Variants in CNTN5 observed in about 807,000 individuals in gnomAD.
CNTN5 encodes the protein contactin 5.
In CNTN5, 77 loss-of-function variants were observed where a neutral mutation model predicts 129.1. The ratio of observed to expected loss-of-function variants is 0.60; its 90% CI spans 0.50 to 0.72. The LOEUF (loss-of-function observed/expected upper bound fraction) is 0.72. Ranked by LOEUF, CNTN5 falls within the 30% of genes least tolerant of loss-of-function variation. CNTN5 has a pLI of 0.00. For synonymous variants in CNTN5, 509 were observed against 465.6 expected, an observed-to-expected ratio of 1.09 and a Z score of -1.20; for missense variants, 1,478 against 1,328.8, an observed-to-expected ratio of 1.11 and a Z score of -1.75.
chr11:99,395,100 C>T (rs781739123), intron 2 of CNTN5, among the ~76,000 whole-genome samples: 3 of 151,786 alleles, frequency 2.0e-5, no homozygotes, highest in Non-Finnish European at 4.4e-5. Flanking sequence ...ATCTTTAGGT[C>T]TTTGAGGAAT....
chr11:99,049,728 T>G (rs1864351236), intron 1 of CNTN5: 1 of 152,152 alleles, frequency 6.6e-6, no homozygotes, highest in Admixed American at 6.6e-5. Flanking sequence ...AATCCACAGA[T>G]GTGTAACCCG....
chr11:99,171,531 A>G (rs2135541462), intron 1 of CNTN5, among the ~76,000 whole-genome samples: 1 of 152,282 alleles, frequency 6.6e-6, no homozygotes, highest in East Asian at 1.9e-4. Context: ...ATAAAAATTT[A>G]CCTGCTCTAT....
At chr11:99,439,378 A>G (rs1012440958) in intron 2 of CNTN5, among the ~76,000 whole-genome samples, 4 of 152,018 alleles carry the variant, frequency 2.6e-5, no homozygotes, top group African/African-American at 7.2e-5. Flanking sequence ...AACGTTAAAA[A>G]TAAACTTGTA....
chr11:99,613,325 C>T (rs987955686), intron 3 of CNTN5, among the ~76,000 whole-genome samples: 18 of 152,136 alleles, frequency 1.2e-4, no homozygotes, highest in Admixed American at 9.2e-4. Context: ...TTCCCGGCTT[C>T]GCTGGGCCTG....
intron 3 of CNTN5, among the ~76,000 whole-genome samples, chr11:99,779,356 A>C (rs1945234553): frequency 6.6e-6 from 1 of 152,024 alleles, no homozygotes; most frequent in Non-Finnish European, 1.5e-5. Flanking sequence ...TTTCAAGCAA[A>C]GTAGTTATAA....
chr11:99,352,831 C>T (rs763198479), intron 2 of CNTN5, among the ~76,000 whole-genome samples: 1 of 152,116 alleles, frequency 6.6e-6, no homozygotes, highest in Admixed American at 6.5e-5. Context: ...AGGGCCTTGT[C>T]GCACTTGTCA....
At position 100,224,397 on chromosome 11, in the gene CNTN5, A is replaced by G. The variant is rs564282349; in HGVS notation, c.1885-295A>G. Reference sequence around the variant, plus strand: ...AAAGCAACATTTTTGCTCACGGATTATTTCTCCTATACTTTTAAATATATG... The same window carrying G: ...AAAGCAACATTTTTGCTCACGGATTGTTTCTCCTATACTTTTAAATATATG... On this transcript the variant is annotated intron_variant, in intron 15 of 24. Coordinates refer to ENST00000524871, the MANE Select transcript of CNTN5 (RefSeq NM_014361.4). Among the ~76,000 whole-genome samples, 6 of 152,262 alleles carry G rather than the reference A, an allele frequency of 3.9e-5. No homozygotes were observed. In the South Asian group the frequency reaches 1.0e-3, roughly 26 times the overall value.
chr11:100,344,897 T>G (rs763892217), intron 23 of CNTN5, among the ~76,000 whole-genome samples: 4 of 152,094 alleles, frequency 2.6e-5, no homozygotes, highest in Non-Finnish European at 5.9e-5. Flanking sequence ...ATTTTAAAAT[T>G]TATTTTGCCA....
chr11:99,996,611 T>G (rs545463602), intron 8 of CNTN5, among the ~76,000 whole-genome samples: 1 of 152,292 alleles, frequency 6.6e-6, no homozygotes, highest in South Asian at 2.1e-4. Flanking sequence ...ATTATTCTTA[T>G]GATCTCCTCA....
intron 15 of CNTN5, among the ~76,000 whole-genome samples, chr11:100,217,910 G>A (rs1294024442): frequency 6.6e-6 from 1 of 152,142 alleles, no homozygotes; most frequent in Non-Finnish European, 1.5e-5. Context: ...TCTTAAACTG[G>A]TTTGCCATTG....
Position 99,959,890 on chromosome 11 carries a change from T to G in CNTN5, c.877+2881T>G, listed in dbSNP as rs1950896335. Among the ~76,000 whole-genome samples the G allele has an allele frequency of 2.0e-5, 3 of 152,106 alleles. No homozygotes were observed. The South Asian group carries it at 6.2e-4, about 32-fold the overall frequency. ...TTTACATTTGTTTTTTTCTGTAACT[T>G]ACCTAAGGCTATTGCTTTCTCGGCT... is the stretch of plus-strand genomic sequence containing the variant. On this transcript the variant is annotated intron_variant, in intron 8 of 24. Transcript: ENST00000524871.
chr11:100,012,099 A>T (rs1244947325), intron 9 of CNTN5, among the ~76,000 whole-genome samples: 1 of 152,174 alleles, frequency 6.6e-6, no homozygotes, highest in Non-Finnish European at 1.5e-5. Context: ...AGATCTGGGG[A>T]TAGGAGTCAG....
intron 1 of CNTN5, among the ~76,000 whole-genome samples, chr11:99,220,678 T>C (rs1290347619): frequency 6.6e-6 from 1 of 151,976 alleles, no homozygotes; most frequent in African/African-American, 2.4e-5. Context: ...AAGGAACTTA[T>C]ATAATTTTAC....
At chr11:100,284,605 T>C (rs1167682472) in intron 18 of CNTN5, among the ~76,000 whole-genome samples, 4 of 152,210 alleles carry the variant, frequency 2.6e-5, no homozygotes, top group Admixed American at 2.6e-4. Flanking sequence ...TACAGCATTG[T>C]CAATTTTGTC....
chr11:99,782,673 G>A (rs1446053468), intron 3 of CNTN5, among the ~76,000 whole-genome samples: 20 of 151,766 alleles, frequency 1.3e-4, no homozygotes, highest in Non-Finnish European at 2.5e-4. Flanking sequence ...AAATAACGCC[G>A]CATATCCACA....
At chr11:99,630,754 G>C (rs1169091092) in intron 3 of CNTN5, among the ~76,000 whole-genome samples, 1 of 152,090 alleles carries the variant, frequency 6.6e-6, no homozygotes, top group Non-Finnish European at 1.5e-5. Flanking sequence ...TTTATATCAA[G>C]TCCTTGACCA....
At chr11:99,807,432 T>C (rs548571313) in intron 3 of CNTN5, among the ~76,000 whole-genome samples, 1 of 152,342 alleles carries the variant, frequency 6.6e-6, no homozygotes, top group East Asian at 1.9e-4. Flanking sequence ...GAAGAAGTTT[T>C]AACAAAACAC....
At chr11:99,476,905 T>G (rs1181350594) in intron 2 of CNTN5, among the ~76,000 whole-genome samples, 1 of 152,102 alleles carries the variant, frequency 6.6e-6, no homozygotes, top group Admixed American at 6.6e-5. Context: ...TTTTGTTATC[T>G]CTTCCCGTTT....
At chr11:99,171,627 C>T (rs1006817364) in intron 1 of CNTN5, among the ~76,000 whole-genome samples, 7 of 152,082 alleles carry the variant, frequency 4.6e-5, no homozygotes, top group African/African-American at 1.7e-4. Flanking sequence ...TGAAGTGCTT[C>T]GAAAGAATTA....
Sources: gnomAD v4.1 joint callset for allele counts (sites outside exome capture counted in the v4.1 genomes callset) on GRCh38, gnomAD v4.1.1 for gene constraint, MANE v1.5 for transcripts, NCBI Gene and HGNC (gene_info 2026-07-23, HGNC 2026-07-21) for gene names.